CPSF2: variants seen among roughly 807,000 people sequenced by gnomAD.
CPSF2 encodes cleavage and polyadenylation specificity factor subunit 2.
In CPSF2, 51 loss-of-function variants were observed where a neutral mutation model predicts 84.2. The observed-to-expected ratio is 0.61, with a 90% CI of 0.48 to 0.77. The LOEUF is 0.77. CPSF2 is among the 30% of genes least tolerant of loss of function. The pLI, the probability that CPSF2 is intolerant of heterozygous loss-of-function variation, is 0.00. For missense variants in CPSF2, 641 were observed against 929.4 expected, an observed-to-expected ratio of 0.69 and a Z score of 4.03; for synonymous variants, 286 against 311.9, an observed-to-expected ratio of 0.92 and a Z score of 0.87.
chr14:92,161,198 A>G lies in CPSF2; in HGVS notation c.2208A>G (p.Glu736=). 6.2e-7 allele frequency: 1 copy of G among 1,613,654 alleles called. No individual in the cohort carries two copies. Among genetic ancestry groups the G allele is most frequent in the Non-Finnish European group, 8.5e-7 (1 of 1,179,836 alleles). ...QVLLREGIQA[E]FVGGVLVCNN... ...TCTTACGGGAGGGGATTCAAGCTGA[A>G]TTTGTAGGAGGTGTACTTGTTTGCA... is the stretch of plus-strand genomic sequence containing the variant. The change falls in exon 15 of 16, where the codon GAA becomes GAG. Residue 736 remains glutamate (E), a synonymous_variant. Coordinates refer to ENST00000298875, the MANE Select transcript of CPSF2 (RefSeq NM_017437.3).
intron 7 of CPSF2, among the ~76,000 whole-genome samples, chr14:92,141,519 G>A (rs142610670): frequency 3.7e-4 from 57 of 152,180 alleles, no homozygotes; most frequent in Non-Finnish European, 7.1e-4. Context: ...ATAGAGACGG[G>A]ATCTCCCTAT....
At position 92,159,071 on chromosome 14, in the gene CPSF2, T is replaced by C. The variant is rs777032661; in HGVS notation, c.1910T>C (p.Met637Thr). 2.5e-6 allele frequency: 4 copies of C among 1,613,918 alleles called. No individual in the cohort carries two copies. In the African/African-American group the frequency reaches 4.0e-5, roughly 16 times the overall value. ...GCTTGGATAGATGGTGTCTTAGATA[T>C]GAGAGTTTCCAAAGTGGACACAGGG... ...ELAWIDGVLD[M>T]RVSKVDTGVI... Residue 637 changes from methionine to threonine, a missense_variant, in exon 14 of 16, where the codon ATG becomes ACG. Physicochemically the swap from Met to Thr is moderately conservative, Grantham distance 81. Around this residue, in one of 2 missense-constraint regions of CPSF2, gnomAD observed 430 missense variants for 553.6 expected, o/e 0.78. Transcript: ENST00000298875.
Position 92,157,588 on chromosome 14 carries a change from A to G in CPSF2, c.1596-71A>G. On this transcript the variant is annotated intron_variant, in intron 12 of 15. Coordinates refer to ENST00000298875, the MANE Select transcript of CPSF2 (RefSeq NM_017437.3). The surrounding 1 kb of genome is among the most constrained non-coding windows in gnomAD (Gnocchi z 4.0). Reference sequence around the variant, plus strand: ...CTCAAATCCTAGTGTTATATATTGTATACATGATAAAAGCCATTTTTTTTT... The same window carrying G: ...CTCAAATCCTAGTGTTATATATTGTGTACATGATAAAAGCCATTTTTTTTT... 1 of 934,062 alleles carries G rather than the reference A, an allele frequency of 1.1e-6. No homozygotes were observed. Among genetic ancestry groups the G allele is most frequent in the Non-Finnish European group, 1.7e-6 (1 of 597,166 alleles). 57.9% of individuals were successfully genotyped at this position (934,062 alleles called of 1,614,324 possible).
chr14:92,153,311 T>C (rs2069245654), intron 9 of CPSF2, among the ~76,000 whole-genome samples: 1 of 152,184 alleles, frequency 6.6e-6, no homozygotes, highest in African/African-American at 2.4e-5. Flanking sequence ...TTTTCATGTG[T>C]TGATCATCCT....
chr14:92,121,972 A>G lies in CPSF2; in HGVS notation c.-250A>G, dbSNP rs547428304. 8.0e-5 allele frequency: 63 copies of G among 787,966 alleles called. No individual in the cohort carries two copies. In the East Asian group the frequency reaches 1.4e-3, roughly 17 times the overall value. The allele number at this position is 787,966 out of a possible 1,614,324, so 48.8% of individuals were successfully genotyped here. On this transcript the variant is annotated 5_prime_UTR_variant, in exon 1 of 16. Transcript: ENST00000298875. ...CTGGTTCCTCCTCGTCTCCGCCGCT[A>G]GTCTCCAGCTCCAAAATGGCGGCTG... is the stretch of plus-strand genomic sequence containing the variant.
chr14:92,154,645 GT>G (rs1222194878), intron 10 of CPSF2, among the ~76,000 whole-genome samples, 187 bp downstream of exon 10: 1 of 152,104 alleles, frequency 6.6e-6, no homozygotes, highest in Non-Finnish European at 1.5e-5. Flanking sequence ...TATTTGTTAT[GT>G]TTTATAAAAT....
chr14:92,142,754 G>A (rs2069094619), intron 8 of CPSF2, among the ~76,000 whole-genome samples: 1 of 152,088 alleles, frequency 6.6e-6, no homozygotes, highest in African/African-American at 2.4e-5. Context: ...CATATACCTT[G>A]CCTTTTCAAA....
intron 3 of CPSF2, 88 bp downstream of exon 3, chr14:92,131,221 C>G: frequency 9.9e-7 from 1 of 1,012,244 alleles, no homozygotes; most frequent in Admixed American, 2.8e-5. Flanking sequence ...TAAATACTGC[C>G]TTTTTACACT....
rs1379298970 is a variant in CPSF2, at chr14:92,135,442, A to G, written c.491A>G (p.Lys164Arg). 1 of 1,613,738 alleles carries G rather than the reference A, an allele frequency of 6.2e-7. No individual in the cohort carries two copies. The highest frequency in any genetic ancestry group is 8.5e-7 in the Non-Finnish European group (1 of 1,179,788). The change falls in exon 6 of 16, where the codon AAA (lysine) becomes AGA (arginine). Residue 164 changes from lysine (K) to arginine (R), a missense_variant. This residue lies in a region of CPSF2 where 211 missense variants were observed against 375.7 expected (regional missense o/e 0.56). Coordinates refer to ENST00000298875, the MANE Select transcript of CPSF2 (RefSeq NM_017437.3). Reference sequence around the variant, plus strand: ...GGTGGAACAATATGGAAAATAGTCAAAGATGGAGAAGAAGAAATTGTTTAT... The same window carrying G: ...GGTGGAACAATATGGAAAATAGTCAGAGATGGAGAAGAAGAAATTGTTTAT... ...MIGGTIWKIV[K>R]DGEEEIVYAV...
At chr14:92,137,295 G>A (rs975908950) in intron 6 of CPSF2, among the ~76,000 whole-genome samples, 5 of 151,914 alleles carry the variant, frequency 3.3e-5, no homozygotes, top group East Asian at 1.9e-4. Context: ...CTGTAGTGTC[G>A]ACCTCCCAGC....
chr14:92,154,528 G>T, intron 10 of CPSF2, 70 bp downstream of exon 10: 1 of 1,066,074 alleles, frequency 9.4e-7, no homozygotes, highest in Non-Finnish European at 1.3e-6. Context: ...TGACTTAAAT[G>T]TTTCATTGAA....
rs576922109 is a variant in CPSF2, at chr14:92,145,671, C to T, written c.1140+2377C>T. 4.6e-5 allele frequency among the ~76,000 whole-genome samples: 7 copies of T among 152,150 alleles called. No individual in the cohort carries two copies. In the South Asian group the frequency reaches 1.0e-3, roughly 23 times the overall value. On this transcript the variant is annotated intron_variant, in intron 9 of 15. Coordinates refer to ENST00000298875, the MANE Select transcript of CPSF2 (RefSeq NM_017437.3). Reference sequence around the variant, plus strand: ...AAACAATTTCATCAGATAGGAAATACTGAATTTGAAAATTTTAATTACTAG... The same window carrying T: ...AAACAATTTCATCAGATAGGAAATATTGAATTTGAAAATTTTAATTACTAG...
intron 1 of CPSF2, among the ~76,000 whole-genome samples, chr14:92,123,731 CTG>C (rs1272096521): frequency 7.2e-5 from 11 of 152,304 alleles, no homozygotes; most frequent in South Asian, 6.2e-4. Context: ...GGGCAAGTAA[CTG>C]TGAGATATTT....
chr14:92,153,710 T>TC (rs1024061843), intron 9 of CPSF2, among the ~76,000 whole-genome samples: 34 of 151,068 alleles, frequency 2.3e-4, no homozygotes, highest in African/African-American at 7.5e-4. Flanking sequence ...TGGCTTTTTT[T>TC]TTTTTTTTTC....
In CPSF2 at chr14:92,155,121, A is replaced by G; in HGVS notation, c.1242-2A>G. The stretch of plus-strand genomic sequence containing the variant: ...CCTTGATCTATTCTAAAATCCTCCT[A>G]GGGCAGATATAGATTCCAGTGATGA... On this transcript the variant is annotated splice_acceptor_variant, in intron 10 of 15. Transcript: ENST00000298875. LOFTEE classifies it high-confidence loss of function. 6.2e-7 allele frequency: 1 copy of G among 1,607,084 alleles called. No homozygotes were observed. The highest frequency in any genetic ancestry group is 8.5e-7 in the Non-Finnish European group (1 of 1,173,636).
chr14:92,128,853 AGTG>A (rs750347058), intron 2 of CPSF2, among the ~76,000 whole-genome samples: 1 of 152,184 alleles, frequency 6.6e-6, no homozygotes, highest in Non-Finnish European at 1.5e-5. Flanking sequence ...GTGTAATCGT[AGTG>A]GTGGGTGGCT....
chr14:92,131,814 G>C lies in CPSF2; in HGVS notation c.149+681G>C, dbSNP rs2068934940. Among the ~76,000 whole-genome samples the C allele has an allele frequency of 1.3e-5, 2 of 151,942 alleles. 1 individual carries two copies. Among genetic ancestry groups the C allele is most frequent in the Middle Eastern group, 6.8e-3 (2 of 294 alleles). On this transcript the variant is annotated intron_variant, in intron 3 of 15. Transcript: ENST00000298875. The stretch of plus-strand genomic sequence containing the variant: ...AGATCGTACCACTACACTCCAGCCT[G>C]GGCGCAAAGCAAGACTCTGTTTCAA...
chr14:92,150,438 T>TG (rs201965621), intron 9 of CPSF2, among the ~76,000 whole-genome samples: 2,340 of 144,074 alleles, frequency 0.016, 46 homozygotes, highest in African/African-American at 0.047. Flanking sequence ...TGTGTGTGTG[T>TG]TTTTTTTTTT....
At chr14:92,159,374 T>A in intron 14 of CPSF2, 92 bp downstream of exon 14, 1 of 968,604 alleles carries the variant, frequency 1.0e-6, no homozygotes, top group Non-Finnish European at 1.6e-6. Flanking sequence ...CTTCTAAAAC[T>A]AAGTGGGTCT....
Sources: allele counts gnomAD v4.1 joint callset (sites outside exome capture counted in the v4.1 genomes callset), GRCh38; gene constraint gnomAD v4.1.1; regional missense constraint gnomAD v4.1.1; non-coding constraint Gnocchi (gnomAD v3.1); transcripts MANE v1.5; gene names NCBI Gene and HGNC (gene_info 2026-07-23, HGNC 2026-07-21).